CHODL: variants seen among roughly 807,000 people sequenced by gnomAD.
CHODL encodes the protein transmembrane protein MT75.
In CHODL, 29 loss-of-function variants were observed where a neutral mutation model predicts 34.5. The ratio of observed to expected loss-of-function variants is 0.84; its 90% CI spans 0.63 to 1.15. CHODL has a LOEUF of 1.15. CHODL is among the 50% of genes most tolerant of loss of function. CHODL has a pLI of 0.00. For synonymous variants in CHODL, 125 were observed against 116.1 expected, an observed-to-expected ratio of 1.08 and a Z score of -0.49; for missense variants, 332 against 332.5, an observed-to-expected ratio of 1.00 and a Z score of 0.01.
intron 2 of CHODL, among the ~76,000 whole-genome samples, chr21:18,224,662 A>T (rs1485487948): frequency 6.6e-6 from 1 of 152,120 alleles, no homozygotes; most frequent in Non-Finnish European, 1.5e-5. Context: ...ATATGGATTT[A>T]TGTGTTCTTC....
At chr21:17,996,245 G>A (rs2063848526) in intron 1 of CHODL, among the ~76,000 whole-genome samples, 1 of 152,172 alleles carries the variant, frequency 6.6e-6, no homozygotes, top group Non-Finnish European at 1.5e-5. Context: ...AAGTTTCAAT[G>A]TAAATTATAG....
chr21:18,107,470 G>T (rs2146554853), intron 2 of CHODL, among the ~76,000 whole-genome samples: 1 of 152,314 alleles, frequency 6.6e-6, no homozygotes, highest in South Asian at 2.1e-4. Flanking sequence ...ACTATACCAG[G>T]CCATAGCAGG....
intron 1 of CHODL, chr21:18,024,745 A>C (rs284826): frequency 0.31 from 47,192 of 152,024 alleles, 10,439 homozygotes; most frequent in African/African-American, 0.62. Context: ...ATTGAGTATC[A>C]TCCTCCTAGA....
At chr21:17,939,885 T>C (rs2146329325) in intron 1 of CHODL, among the ~76,000 whole-genome samples, 1 of 152,298 alleles carries the variant, frequency 6.6e-6, no homozygotes, top group Middle Eastern at 3.4e-3. Flanking sequence ...TTATTACGTG[T>C]CTTATAATTT....
intron 1 of CHODL, among the ~76,000 whole-genome samples, chr21:17,966,280 A>G (rs919506254): frequency 6.6e-6 from 1 of 152,190 alleles, no homozygotes; most frequent in Non-Finnish European, 1.5e-5. Context: ...TTTCTAACAG[A>G]TTGTGGATTA....
chr21:17,989,995 C>T (rs150210), intron 1 of CHODL, among the ~76,000 whole-genome samples: 97,815 of 151,780 alleles, frequency 0.64, 32,909 homozygotes, highest in Non-Finnish European at 0.75. Context: ...CCTTTGTCTC[C>T]TACAGAGCTG....
intron 2 of CHODL, among the ~76,000 whole-genome samples, chr21:18,217,512 C>T (rs2073841935): frequency 6.6e-6 from 1 of 152,062 alleles, no homozygotes; most frequent in Non-Finnish European, 1.5e-5. Context: ...CAATAACCTC[C>T]CATTGCGTCC....
rs557937529 is a variant in CHODL, at chr21:18,163,449, C to T, written c.-44-93060C>T. Among the ~76,000 whole-genome samples, 3 of 151,984 alleles carry T rather than the reference C, an allele frequency of 2.0e-5. 1 individual carries two copies. The South Asian group carries it at 6.2e-4, about 32-fold the overall frequency. On this transcript the variant is annotated intron_variant, in intron 2 of 6. Transcript: ENST00000400127. ...TTTTTTCAATTGCCTTTTTTTTCCCCTAGAGAGTAAATGTGAAAGACAGTT... is the reference window on the plus strand; with the variant it reads ...TTTTTTCAATTGCCTTTTTTTTCCCTTAGAGAGTAAATGTGAAAGACAGTT...
At position 18,054,454 on chromosome 21, in the gene CHODL, T is replaced by A. The variant is rs917727673; in HGVS notation, c.-45+26483T>A. Among the ~76,000 whole-genome samples, 5 of 151,902 alleles carry A rather than the reference T, an allele frequency of 3.3e-5. No individual in the cohort carries two copies. The South Asian group carries it at 1.0e-3, about 32-fold the overall frequency. ...TATACAGCCTTAAGAAAGAAGGAAA[T>A]CTTGTCATGGATGAACCTGGAGGAC... On this transcript the variant is annotated intron_variant, in intron 2 of 6. Transcript: ENST00000400127.
chr21:18,139,357 A>G (rs1175610067), intron 2 of CHODL, among the ~76,000 whole-genome samples: 1 of 152,122 alleles, frequency 6.6e-6, no homozygotes, highest in Non-Finnish European at 1.5e-5. Flanking sequence ...GTTTTGAAAA[A>G]GTGATAAAAA....
intron 2 of CHODL, among the ~76,000 whole-genome samples, chr21:18,194,783 T>G (rs530231922): frequency 6.6e-6 from 1 of 152,062 alleles, no homozygotes; most frequent in Non-Finnish European, 1.5e-5. Context: ...GATCTATTCC[T>G]TAGGAATTTT....
rs532648506 is a variant in CHODL, at chr21:18,027,297, T to A, written c.-144-575T>A. Reference sequence around the variant, plus strand: ...TCTAAAAAGCAATCGTAACAATAAATAAAAAAAACTCTCCAGAAATAACAT... The same window carrying A: ...TCTAAAAAGCAATCGTAACAATAAAAAAAAAAAACTCTCCAGAAATAACAT... On this transcript the variant is annotated intron_variant, in intron 1 of 6. Transcript: ENST00000400127. Among the ~76,000 whole-genome samples, 47 of 151,914 alleles carry A rather than the reference T, an allele frequency of 3.1e-4. No individual in the cohort carries two copies. In the South Asian group the frequency reaches 6.5e-3, roughly 21 times the overall value.
chr21:18,023,541 G>A (rs1263028696), intron 1 of CHODL, among the ~76,000 whole-genome samples: 1 of 152,054 alleles, frequency 6.6e-6, no homozygotes, highest in Non-Finnish European at 1.5e-5. Flanking sequence ...TGGAGTTGTT[G>A]GCTGTGCATC....
At chr21:18,147,479 G>C (rs2072907915) in intron 2 of CHODL, among the ~76,000 whole-genome samples, 1 of 152,146 alleles carries the variant, frequency 6.6e-6, no homozygotes, top group South Asian at 2.1e-4. Flanking sequence ...AAAAAGACAA[G>C]ATCTTAGAGA....
At chr21:18,246,622 ATTAC>A (rs1294294275) in intron 1 of CHODL, among the ~76,000 whole-genome samples, 10 of 152,182 alleles carry the variant, frequency 6.6e-5, no homozygotes, top group Non-Finnish European at 1.2e-4. Context: ...GATTTTGTGA[ATTAC>A]TTATCTGTCT....
chr21:17,952,241 G>A (rs866503138), intron 1 of CHODL, among the ~76,000 whole-genome samples: 5 of 134,172 alleles, frequency 3.7e-5, no homozygotes, highest in Non-Finnish European at 8.0e-5. Context: ...ATCCAAGAAC[G>A]ATGACCAACA....
At chr21:17,971,103 TG>T (rs1307917499) in intron 1 of CHODL, among the ~76,000 whole-genome samples, 1 of 152,224 alleles carries the variant, frequency 6.6e-6, no homozygotes, top group East Asian at 1.9e-4. Context: ...ATGATGTGTA[TG>T]TGTCACATTT....
chr21:17,927,116 GTATATA>G (rs200152087), intron 1 of CHODL, among the ~76,000 whole-genome samples: 61 of 133,052 alleles, frequency 4.6e-4, no homozygotes, highest in African/African-American at 1.8e-3. Flanking sequence ...ATGTATATAT[GTATATA>G]TGTATATATA....
At position 18,262,802 on chromosome 21, in the gene CHODL, A is replaced by C. The variant is rs2074398540; in HGVS notation, c.646A>C (p.Asn216His). The C allele has an allele frequency of 1.3e-6, 2 of 1,581,436 alleles. No individual in the cohort carries two copies. The highest frequency in any genetic ancestry group is 1.7e-6 in the Non-Finnish European group (2 of 1,151,438). ...GTTTTATTTTGTAGGTATAATTCCC[A>C]ATCTAATTTATGTTGTTATACCAAC... ...VVVTEAGIIPNLIYVVIPTIP... is the reference protein window; with the variant it reads ...VVVTEAGIIPHLIYVVIPTIP... Residue 216 changes from asparagine (N) to histidine (H), a missense_variant, in exon 5 of 6, where the codon AAT (asparagine) becomes CAT (histidine). Asn to His is a moderately conservative substitution (Grantham distance 68). Transcript: ENST00000299295.
Sources: allele counts gnomAD v4.1 joint callset (sites outside exome capture counted in the v4.1 genomes callset), GRCh38; gene constraint gnomAD v4.1.1; transcripts MANE v1.5; gene names NCBI Gene and HGNC (gene_info 2026-07-23, HGNC 2026-07-21).